Variants in PUS7 observed in about 807,000 individuals in gnomAD.
PUS7 encodes pseudouridine synthase 7.
Under a neutral mutation model 79.8 loss-of-function variants are expected in PUS7, and 48 were observed. The ratio of observed to expected loss-of-function variants is 0.60; its 90% CI spans 0.48 to 0.76. The LOEUF is 0.76. Ranked by LOEUF, PUS7 falls within the 30% of genes least tolerant of loss-of-function variation. The pLI is 0.00. For missense variants in PUS7, 729 were observed against 797.6 expected (o/e 0.91, Z 1.04); for synonymous variants, 286 against 272.2 (o/e 1.05, Z -0.50).
chr7:105,484,855 ATTTTTTTTT>A (rs1172322541), intron 7 of PUS7, among the ~76,000 whole-genome samples: 2 of 116,858 alleles, frequency 1.7e-5, no homozygotes, highest in Admixed American at 9.1e-5. Context: ...CCAGTCAGAG[ATTTTTTTTT>A]TTTTTTTTTT....
At chr7:105,469,152 G>T (rs987797867) in intron 11 of PUS7, among the ~76,000 whole-genome samples, 1 of 150,672 alleles carries the variant, frequency 6.6e-6, no homozygotes, top group Non-Finnish European at 1.5e-5. Context: ...CAATCCACCA[G>T]CCTCAGCCTC....
chr7:105,470,472 C>T (rs534163238), intron 11 of PUS7: 178 of 405,534 alleles, frequency 4.4e-4, no homozygotes, highest in Admixed American at 1.1e-3. Context: ...CACATTGACG[C>T]TTTTCTTGTG....
At chr7:105,505,292 C>T (rs537776702) in intron 4 of PUS7, among the ~76,000 whole-genome samples, 8 of 152,152 alleles carry the variant, frequency 5.3e-5, no homozygotes, top group South Asian at 2.1e-4. Context: ...TGTGAGCCAC[C>T]GTGCCCGGCG....
chr7:105,489,782 A>G (rs1375997845), intron 7 of PUS7, among the ~76,000 whole-genome samples: 2 of 152,204 alleles, frequency 1.3e-5, no homozygotes, highest in Non-Finnish European at 2.9e-5. Flanking sequence ...GGTAAAGAGG[A>G]GATACCACCA....
intron 15 of PUS7, 98 bp from the exon 16 acceptor site, chr7:105,458,024 G>T: frequency 7.2e-7 from 1 of 1,384,048 alleles, no homozygotes; most frequent in Non-Finnish European, 9.6e-7. Context: ...GAACTGTGCT[G>T]CTTTCCTTAG....
At chr7:105,495,497 T>A (rs1052554099) in intron 5 of PUS7, 2 of 325,392 alleles carry the variant, frequency 6.1e-6, no homozygotes, top group African/African-American at 4.3e-5. Flanking sequence ...CTCACACCTG[T>A]AATCTCAGGA....
At chr7:105,503,884 C>T (rs1308539934) in intron 4 of PUS7, among the ~76,000 whole-genome samples, 1 of 152,156 alleles carries the variant, frequency 6.6e-6, no homozygotes, top group Admixed American at 6.6e-5. Flanking sequence ...CTGCCCACCT[C>T]AGCTTCCCAA....
At chr7:105,517,166 C>CTTTCTTTTTTTTTTTTT in intron 1 of PUS7, among the ~76,000 whole-genome samples, 1 of 146,630 alleles carries the variant, frequency 6.8e-6, no homozygotes, top group South Asian at 2.3e-4. Flanking sequence ...CTTCACATTT[C>CTTTCTTTTTTTTTTTTT]TTTTTTTGGC....
intron 1 of PUS7, among the ~76,000 whole-genome samples, chr7:105,517,179 T>C (rs1286788031): frequency 6.6e-6 from 1 of 152,038 alleles, no homozygotes; most frequent in East Asian, 1.9e-4. Flanking sequence ...TTTTTGGCGA[T>C]GGAGTCTTAC....
chr7:105,457,815 T>A lies in PUS7; in HGVS notation c.1961A>T (p.Gln654Leu). 6.2e-7 allele frequency: 1 copy of A among 1,614,138 alleles called. No individual in the cohort carries two copies. The highest frequency in any genetic ancestry group is 8.5e-7 in the Non-Finnish European group (1 of 1,179,990). Residue 654 changes from glutamine to leucine, a missense_variant, in exon 16 of 16, where the codon CAG becomes CTG. Gln to Leu is a moderately radical substitution (Grantham distance 113). Coordinates refer to ENST00000469408, the MANE Select transcript of PUS7 (RefSeq NM_019042.5). Reference protein sequence around the residue: ...KMDTSIKNQTQLNTTWLR With the variant: ...KMDTSIKNQTLLNTTWLR ...TCAGCGAAGCCAGGTTGTATTCAGC[T>A]GCGTCTGGTTCTTGATACTGGTATC...
rs370047811 is a variant in PUS7 at position 105,509,024 on chromosome 7, C to CA, written c.-32-481dup. On this transcript the variant is annotated intron_variant, in intron 1 of 15. Coordinates refer to ENST00000469408, the MANE Select transcript of PUS7 (RefSeq NM_019042.5). ...TGAAACCCCATCTCTACTAAAAATA[C>CA]AAAAAAAAAACTAGCTGGGCGTGGT... Among the ~76,000 whole-genome samples, 436 of 142,154 alleles carry CA rather than the reference C, an allele frequency of 3.1e-3. 2 individuals are homozygous for CA. Among genetic ancestry groups the CA allele is most frequent in the African/African-American group, 9.8e-3 (377 of 38,312 alleles). The allele number at this position is 142,154 out of a possible 152,430, so 93.3% of individuals were successfully genotyped here. A position where few individuals can be genotyped will look rare whatever the true frequency, so the allele number is the denominator to read the frequency against.
chr7:105,470,504 A>T, intron 11 of PUS7, 184 bp downstream of exon 11: 1 of 515,546 alleles, frequency 1.9e-6, no homozygotes, highest in East Asian at 3.2e-5. Flanking sequence ...TAATGCCCGC[A>T]TCCACCCCCA....
At chr7:105,505,175 G>C (rs1825406527) in intron 4 of PUS7, among the ~76,000 whole-genome samples, 1 of 151,788 alleles carries the variant, frequency 6.6e-6, no homozygotes, top group Non-Finnish European at 1.5e-5. Context: ...TAATTTTTTT[G>C]TATTTTTAGT....
At chr7:105,482,023 C>T (rs536637464) in intron 8 of PUS7, among the ~76,000 whole-genome samples, 7 of 152,354 alleles carry the variant, frequency 4.6e-5, no homozygotes, top group East Asian at 1.9e-4. Flanking sequence ...AGCCACTGCG[C>T]CCAGCCGGCT....
chr7:105,495,882 C>T (rs1278298221), intron 5 of PUS7, among the ~76,000 whole-genome samples: 2 of 151,898 alleles, frequency 1.3e-5, no homozygotes, highest in Non-Finnish European at 2.9e-5. Flanking sequence ...AGATTTAGGC[C>T]GAGTGTAATC....
At chr7:105,494,243 G>C (rs538239666) in intron 6 of PUS7, among the ~76,000 whole-genome samples, 6 of 152,092 alleles carry the variant, frequency 3.9e-5, no homozygotes, top group Non-Finnish European at 8.8e-5. Flanking sequence ...AGCTGCATGC[G>C]AATCATTTAC....
At chr7:105,481,423 AT>A (rs1241360107) in intron 8 of PUS7, among the ~76,000 whole-genome samples, 3 of 152,108 alleles carry the variant, frequency 2.0e-5, no homozygotes, top group African/African-American at 7.2e-5. Context: ...AGAGGTTGCA[AT>A]TTTTTGAATT....
At chr7:105,466,726 A>C (rs1459300242) in intron 12 of PUS7, among the ~76,000 whole-genome samples, 1 of 151,956 alleles carries the variant, frequency 6.6e-6, no homozygotes, top group Non-Finnish European at 1.5e-5. Flanking sequence ...TGGCATCATA[A>C]ATGGATGCAT....
At chr7:105,514,583 G>A (rs1220112194) in intron 1 of PUS7, among the ~76,000 whole-genome samples, 1 of 151,714 alleles carries the variant, frequency 6.6e-6, no homozygotes, top group Non-Finnish European at 1.5e-5. Context: ...CAGCCTGGGT[G>A]ACAGAGCGAG....
Sources: gnomAD v4.1 joint callset for allele counts (sites outside exome capture counted in the v4.1 genomes callset) on GRCh38, gnomAD v4.1.1 for gene constraint, MANE v1.5 for transcripts, NCBI Gene and HGNC (gene_info 2026-07-23, HGNC 2026-07-21) for gene names.